Variants in CCNG1 observed in about 807,000 individuals in gnomAD.
The protein encoded by CCNG1 is cyclin-G1.
In CCNG1, 13 loss-of-function variants were observed where a neutral mutation model predicts 30.0. The observed-to-expected ratio is 0.43, with a 90% CI of 0.28 to 0.69. CCNG1 has a LOEUF of 0.69. CCNG1 is among the 30% of genes least tolerant of loss of function. The pLI is 0.16. For missense variants in CCNG1, 285 were observed against 331.4 expected (o/e 0.86, Z 1.09); for synonymous variants, 110 against 121.5 (o/e 0.91, Z 0.62).
At chr5:163,457,135 AGTT>A in the CCNG1 span, 5 of 1,446,810 alleles carry the variant, frequency 3.5e-6, no homozygotes, top group Admixed American at 2.3e-5. Context: ...TTCTTCATCA[AGTT>A]GTTTTTTTTT....
chr5:163,446,075 A>G (rs1361058183), downstream of CCNG1: 2 of 152,182 alleles, frequency 1.3e-5, no homozygotes, highest in African/African-American at 2.4e-5. Context: ...TTCATGTTCA[A>G]ACTAACATCC....
chr5:163,441,604 G>C (rs969650462), intron 3 of CCNG1: 9 of 481,332 alleles, frequency 1.9e-5, no homozygotes, highest in Non-Finnish European at 3.3e-5. Flanking sequence ...AGGACCTTCA[G>C]TGGATGTTGA....
At chr5:163,457,628 A>G in the CCNG1 span, 9 of 1,495,856 alleles carry the variant, frequency 6.0e-6, no homozygotes, top group South Asian at 1.0e-4. Context: ...ATAAACATAT[A>G]AGGTGCTAAA....
the CCNG1 span, among the ~76,000 whole-genome samples, chr5:163,456,395 TA>T: frequency 6.6e-6 from 1 of 152,106 alleles, no homozygotes; most frequent in Non-Finnish European, 1.5e-5. Flanking sequence ...ACATCCAAAC[TA>T]CAGAATCCTC....
At chr5:163,448,199 A>T (rs1221961839), downstream of CCNG1, 1 of 123,484 alleles carries the variant, frequency 8.1e-6, no homozygotes, top group Non-Finnish European at 1.6e-5. Flanking sequence ...AGCAGAAAGA[A>T]GAAAAAAAAA....
At chr5:163,447,751 A>G (rs1002571137), downstream of CCNG1, 1 of 152,202 alleles carries the variant, frequency 6.6e-6, no homozygotes, top group Non-Finnish European at 1.5e-5. Flanking sequence ...ATCATATAAA[A>G]TATGTTTTTT....
intron 1 of CCNG1, among the ~76,000 whole-genome samples, chr5:163,438,980 C>G (rs1581164807): frequency 6.9e-6 from 1 of 145,292 alleles, no homozygotes; most frequent in African/African-American, 2.6e-5. Context: ...GAGCCAAGAT[C>G]GTGCCACTGT....
At chr5:163,452,542 T>C in the CCNG1 span, 3 of 152,282 alleles carry the variant, frequency 2.0e-5, no homozygotes, top group East Asian at 3.9e-4. Flanking sequence ...AATGAGTTTA[T>C]AGAGATACGA....
At chr5:163,438,116 G>A (rs1418611103) in intron 1 of CCNG1, among the ~76,000 whole-genome samples, 3 of 152,114 alleles carry the variant, frequency 2.0e-5, no homozygotes, top group Non-Finnish European at 4.4e-5. Context: ...GGTGTGGGAG[G>A]GACCTTCCAT....
At chr5:163,454,620 C>T in the CCNG1 span, among the ~76,000 whole-genome samples, 2 of 152,182 alleles carry the variant, frequency 1.3e-5, no homozygotes, top group African/African-American at 2.4e-5. Flanking sequence ...GGATTACAGG[C>T]GTGAGCCATG....
At chr5:163,449,684 G>C (rs1232904436), downstream of CCNG1, 1 of 152,140 alleles carries the variant, frequency 6.6e-6, no homozygotes, top group East Asian at 1.9e-4. Context: ...ATAAAGCTGT[G>C]ATAATCAAGG....
At chr5:163,453,727 TA>T in the CCNG1 span, 13 of 305,988 alleles carry the variant, frequency 4.2e-5, no homozygotes, top group Admixed American at 9.9e-5. Flanking sequence ...ATGCAGCATA[TA>T]AAACTTCATG....
rs1757792113 is a variant in CCNG1 at position 163,441,100 on chromosome 5, G to A, written c.287G>A (p.Cys96Tyr). ...TAGGTACAGCCCAAGCACCTTGGGT[G>A]TGTTGGACTGAGCTGCTTTTATTTG... Reference protein sequence around the residue: ...KMKVQPKHLGCVGLSCFYLAV... With the variant: ...KMKVQPKHLGYVGLSCFYLAV... Residue 96 changes from cysteine (C) to tyrosine (Y), a missense_variant, in exon 3 of 7, where the codon TGT becomes TAT. Transcript: ENST00000340828. 2 of 1,613,940 alleles carry A rather than the reference G, an allele frequency of 1.2e-6. No homozygotes were observed. The highest frequency in any genetic ancestry group is 4.5e-5 in the East Asian group (2 of 44,876).
the CCNG1 span, chr5:163,457,171 AC>A: frequency 7.6e-7 from 1 of 1,320,332 alleles, no homozygotes; most frequent in South Asian, 1.6e-5. Flanking sequence ...TATCACTCTC[AC>A]CCAGGCTGGA....
chr5:163,452,460 C>CG, the CCNG1 span: 2 of 152,014 alleles, frequency 1.3e-5, no homozygotes, highest in African/African-American at 4.8e-5. Context: ...TTCTACCAGC[C>CG]AAATGTACAA....
the CCNG1 span, chr5:163,454,112 C>T: frequency 6.2e-6 from 5 of 806,032 alleles, no homozygotes; most frequent in South Asian, 7.3e-5. Context: ...CAAGTACAAA[C>T]TGGCAATTGA....
In CCNG1 at chr5:163,442,449, TC is replaced by T. The variant is rs1237272400; in HGVS notation, c.774del (p.Lys259AsnfsTer7). On this transcript the variant is annotated frameshift_variant, in exon 6 of 7. Coordinates refer to ENST00000340828, the MANE Select transcript of CCNG1 (RefSeq NM_004060.4). LOFTEE classifies it high-confidence loss of function. The stretch of plus-strand genomic sequence containing the variant: ...AACTGAATATTCATCAAATAAGTGT[TC>T]CAAACCAAATGTTCAGAAGTTGAAA... ...CLTEYSSNKCSKPNVQKLKWI... is the reference protein window; with the variant it reads ...CLTEYSSNKCXKPNVQKLKWI... 6.2e-7 allele frequency: 1 copy of T among 1,613,932 alleles called. No individual in the cohort carries two copies. Among genetic ancestry groups the T allele is most frequent in the African/African-American group, 1.3e-5 (1 of 74,922 alleles).
chr5:163,449,134 T>C (rs1758115223), downstream of CCNG1: 1 of 152,222 alleles, frequency 6.6e-6, no homozygotes, highest in Non-Finnish European at 1.5e-5. Flanking sequence ...AAACTGTTCC[T>C]ATTCGTAGTT....
At chr5:163,452,812 A>C in the CCNG1 span, 7 of 152,208 alleles carry the variant, frequency 4.6e-5, no homozygotes, top group Non-Finnish European at 8.8e-5. Context: ...GTTCTACAAA[A>C]CTAGCCCATA....
Sources: gnomAD v4.1 joint callset for allele counts (sites outside exome capture counted in the v4.1 genomes callset) on GRCh38, gnomAD v4.1.1 for gene constraint, MANE v1.5 for transcripts, NCBI Gene and HGNC (gene_info 2026-07-23, HGNC 2026-07-21) for gene names.